Variants in TMEM50B observed in about 807,000 individuals in gnomAD.
TMEM50B encodes HCV p7-trans-regulated protein 3.
In TMEM50B, 14 loss-of-function variants were observed where a neutral mutation model predicts 23.4. That is an observed-to-expected ratio of 0.60 (90% confidence interval 0.39 to 0.93). The LOEUF is 0.93. TMEM50B is among the 40% of genes least tolerant of loss of function. The pLI is 0.00. For missense variants in TMEM50B, 159 were observed against 193.0 expected (o/e 0.82, Z 1.04); for synonymous variants, 64 against 62.3 (o/e 1.03, Z -0.13).
rs2248820 is a variant in TMEM50B at position 33,465,316 on chromosome 21, C to A, written c.280+26G>T. 802,106 of 1,592,744 alleles carry A rather than the reference C, an allele frequency of 0.5. 211,275 individuals carry two copies. The highest frequency in any genetic ancestry group is 0.83 in the East Asian group (37,197 of 44,636). On this transcript the variant is annotated intron_variant, in intron 4 of 6. Coordinates refer to ENST00000542230, the MANE Select transcript of TMEM50B (RefSeq NM_006134.7). The stretch of plus-strand genomic sequence containing the variant: ...TGACAAATTTCTGTTTTGTCAACAC[C>A]CATTAACAGCTCAAAGTATCTTTAC...
In TMEM50B at chr21:33,463,205, T is replaced by C. The variant is rs567157907; in HGVS notation, c.280+2137A>G. Among the ~76,000 whole-genome samples, 4 of 152,124 alleles carry C rather than the reference T, an allele frequency of 2.6e-5. No individual in the cohort carries two copies. In the East Asian group the frequency reaches 7.8e-4, roughly 30 times the overall value. ...TACTCAGGAGGCTGAGGCAGAAGAA[T>C]TGCTTGAGCCTGGGAGGCGGAGGAT... On this transcript the variant is annotated intron_variant, in intron 4 of 6. Coordinates refer to ENST00000542230, the MANE Select transcript of TMEM50B (RefSeq NM_006134.7).
intron 6 of TMEM50B, 28 bp downstream of exon 6, chr21:33,455,699 G>C: frequency 6.4e-7 from 1 of 1,573,688 alleles, no homozygotes; most frequent in African/African-American, 1.3e-5. Flanking sequence ...AAATGTTACA[G>C]GCGTGGTTAA....
chr21:33,448,245 G>A (rs895055952), downstream of TMEM50B, among the ~76,000 whole-genome samples: 23 of 152,050 alleles, frequency 1.5e-4, no homozygotes, highest in African/African-American at 4.3e-4. Flanking sequence ...TGCCCGCCTC[G>A]GCCTCCCAAA....
intron 1 of TMEM50B, among the ~76,000 whole-genome samples, chr21:33,477,216 G>A (rs1400288617): frequency 7.2e-5 from 11 of 152,086 alleles, no homozygotes; most frequent in Non-Finnish European, 1.5e-5. Context: ...GATCGTTTGA[G>A]CCCAAGGCTG....
intron 1 of TMEM50B, among the ~76,000 whole-genome samples, chr21:33,472,416 T>A (rs2084326390): frequency 6.6e-6 from 1 of 151,944 alleles, no homozygotes; most frequent in African/African-American, 2.4e-5. Context: ...CTAAATGAAC[T>A]TAATCGCAGA....
chr21:33,462,586 T>C (rs2084226626), intron 4 of TMEM50B, among the ~76,000 whole-genome samples: 1 of 152,096 alleles, frequency 6.6e-6, no homozygotes, highest in African/African-American at 2.4e-5. Context: ...AGGGGAGGAT[T>C]GCTTGAGCCC....
At chr21:33,472,102 G>C (rs2084323028) in intron 1 of TMEM50B, among the ~76,000 whole-genome samples, 1 of 151,382 alleles carries the variant, frequency 6.6e-6, no homozygotes, top group African/African-American at 2.4e-5. Context: ...AAATTAAATG[G>C]GCCGGGCAGG....
intron 6 of TMEM50B, among the ~76,000 whole-genome samples, chr21:33,451,877 G>T (rs1053621061): frequency 2.0e-5 from 3 of 152,104 alleles, no homozygotes; most frequent in Non-Finnish European, 4.4e-5. Context: ...TAGTAGGCAG[G>T]GAGTGGAGGA....
chr21:33,461,641 T>TA (rs2084217597), intron 4 of TMEM50B, among the ~76,000 whole-genome samples: 1 of 151,540 alleles, frequency 6.6e-6, no homozygotes. Context: ...CTATCTCTAC[T>TA]AAAAGAAAAA....
chr21:33,468,869 T>C lies in TMEM50B; in HGVS notation c.17A>G (p.Asp6Gly). The change falls in exon 2 of 7, where the codon GAT (aspartate) becomes GGT (glycine). Residue 6 changes from aspartate to glycine, a missense_variant. By Grantham distance (94) the Asp-to-Gly change is moderately conservative. Coordinates refer to ENST00000542230, the MANE Select transcript of TMEM50B (RefSeq NM_006134.7). Reference sequence around the variant, plus strand: ...TTCACATTCTGGCCAACGAAAATTATCTAGGAAGCCTGCCATTTTTACTTC... The same window carrying C: ...TTCACATTCTGGCCAACGAAAATTACCTAGGAAGCCTGCCATTTTTACTTC... MAGFL[D>G]NFRWPECECI... The C allele has an allele frequency of 6.2e-7, 1 of 1,613,650 alleles. No individual in the cohort carries two copies. The highest frequency in any genetic ancestry group is 8.5e-7 in the Non-Finnish European group (1 of 1,179,842).
At chr21:33,457,866 G>A (rs948901798) in intron 5 of TMEM50B, among the ~76,000 whole-genome samples, 8 of 151,774 alleles carry the variant, frequency 5.3e-5, no homozygotes, top group South Asian at 2.1e-4. Flanking sequence ...CCCACCCCCC[G>A]GAACCTAACT....
intron 6 of TMEM50B, among the ~76,000 whole-genome samples, chr21:33,454,536 G>A (rs896539660): frequency 2.0e-5 from 3 of 152,056 alleles, no homozygotes; most frequent in African/African-American, 7.2e-5. Context: ...CCTGACCTCA[G>A]ATGATCCACC....
chr21:33,457,501 A>C (rs2084180030), intron 5 of TMEM50B, among the ~76,000 whole-genome samples: 1 of 151,838 alleles, frequency 6.6e-6, no homozygotes, highest in South Asian at 2.1e-4. Context: ...AATACAAAAA[A>C]TTAGCTGGGA....
rs757202279 is a variant in TMEM50B at position 33,468,877 on chromosome 21, G to C, written c.9C>G (p.Gly3=). 6 of 1,612,974 alleles carry C rather than the reference G, an allele frequency of 3.7e-6. No homozygotes were observed. The highest frequency in any genetic ancestry group is 5.1e-6 in the Non-Finnish European group (6 of 1,179,580). The change falls in exon 2 of 7, where the codon GGC becomes GGG. Residue 3 remains glycine (G), a synonymous_variant. Coordinates refer to ENST00000542230, the MANE Select transcript of TMEM50B (RefSeq NM_006134.7). ...CTGGCCAACGAAAATTATCTAGGAA[G>C]CCTGCCATTTTTACTTCTTAAGCAT... MA[G]FLDNFRWPEC...
chr21:33,441,009 C>T (rs4817567), intron 7 of TMEM50B, among the ~76,000 whole-genome samples: 88,910 of 151,900 alleles, frequency 0.59, 28,037 homozygotes, highest in East Asian at 0.83. Context: ...GTGAGCGGAT[C>T]GCCTGAGGTC....
downstream of TMEM50B, among the ~76,000 whole-genome samples, chr21:33,448,274 T>G (rs978127645): frequency 6.6e-6 from 1 of 151,822 alleles, no homozygotes; most frequent in Non-Finnish European, 1.5e-5. Flanking sequence ...ATTACAGGCG[T>G]GAGCCCCCAC....
exon 9 of TMEM50B, chr21:33,432,698 C>A (rs776462360): frequency 6.2e-7 from 1 of 1,613,572 alleles, no homozygotes; most frequent in Non-Finnish European, 8.5e-7. Flanking sequence ...TGTTCACTTT[C>A]GTGTCCTCTT....
intron 4 of TMEM50B, chr21:33,465,024 G>C (rs1008248575): frequency 1.7e-5 from 4 of 229,892 alleles, no homozygotes; most frequent in African/African-American, 6.8e-5. Flanking sequence ...ATCATAGTCA[G>C]CCATCTTGTA....
At chr21:33,450,968 A>C in intron 6 of TMEM50B, 105 bp from the exon 7 acceptor site, 1 of 900,048 alleles carries the variant, frequency 1.1e-6, no homozygotes, top group Non-Finnish European at 1.7e-6. Context: ...GATTCCTATC[A>C]ATTTTAAAAA....
Sources: allele counts gnomAD v4.1 joint callset (sites outside exome capture counted in the v4.1 genomes callset), GRCh38; gene constraint gnomAD v4.1.1; transcripts MANE v1.5; gene names NCBI Gene and HGNC (gene_info 2026-07-23, HGNC 2026-07-21).